IL31RA: variants seen among roughly 807,000 people sequenced by gnomAD.
IL31RA encodes interleukin 31 receptor A, also known as interleukin-31 receptor subunit alpha.
In IL31RA, 66 loss-of-function variants were observed where a neutral mutation model predicts 83.7. The ratio of observed to expected loss-of-function variants is 0.79; its 90% CI spans 0.65 to 0.97. The LOEUF is 0.97. Ranked by LOEUF, IL31RA falls within the 50% of genes least tolerant of loss-of-function variation. The probability of loss-of-function intolerance (pLI) is 0.00; values close to 1 mark genes in which losing one functional copy is unlikely to be tolerated. For synonymous variants in IL31RA, 325 were observed against 329.0 expected (o/e 0.99, Z 0.13); for missense variants, 798 against 919.4 (o/e 0.87, Z 1.71).
At chr5:55,847,263 A>G (rs1456566683), upstream of IL31RA, among the ~76,000 whole-genome samples, 2 of 146,576 alleles carry the variant, frequency 1.4e-5, no homozygotes, top group Non-Finnish European at 3.0e-5. Flanking sequence ...AAATAAATAA[A>G]TAAATAAATA....
intron 1 of IL31RA, among the ~76,000 whole-genome samples, chr5:55,856,654 T>C (rs1230469020): frequency 1.3e-5 from 2 of 152,334 alleles, no homozygotes; most frequent in East Asian, 3.9e-4. Flanking sequence ...CATCAGAGAA[T>C]CAGAGCAATC....
chr5:55,916,646 T>TAA lies in IL31RA; in HGVS notation c.1822_1823dup (p.Leu609SerfsTer2), dbSNP rs776049880. On this transcript the variant is annotated frameshift_variant, in exon 15 of 15. Transcript: ENST00000652347. LOFTEE classifies it low-confidence loss of function (END_TRUNC). ...GGATGTCCCTTTTTCTTTTCCAGGA[T>TAA]AAGCTAAACCTGAAGGAGTCTGATG... is the stretch of plus-strand genomic sequence containing the variant. 1 of 1,613,850 alleles carries TAA rather than the reference T, an allele frequency of 6.2e-7. No homozygotes were observed. The highest frequency in any genetic ancestry group is 1.7e-5 in the Admixed American group (1 of 60,018).
At chr5:55,886,268 C>CTTTTCT (rs1747603052) in intron 5 of IL31RA, among the ~76,000 whole-genome samples, 1 of 71,510 alleles carries the variant, frequency 1.4e-5, no homozygotes, top group African/African-American at 7.3e-5. Flanking sequence ...TGCTTGCTTG[C>CTTTTCT]TTTTTTTTTT....
chr5:55,872,391 G>A lies in IL31RA; in HGVS notation c.394G>A (p.Ala132Thr). ...IPDNYTIEVE[A>T]ENGDGVIKSH... ...AGATAATTATACCATTGAGGTGGAA[G>A]CTGAAAATGGAGATGGTGTAATTAA... is the stretch of plus-strand genomic sequence containing the variant. The change falls in exon 4 of 15, where the codon GCT (alanine) becomes ACT (threonine). Residue 132 changes from alanine (A) to threonine (T), a missense_variant. Physicochemically the swap from Ala to Thr is moderately conservative, Grantham distance 58 (BLOSUM62 0). Coordinates refer to ENST00000652347, the MANE Select transcript of IL31RA (RefSeq NM_139017.7). 1 of 1,612,012 alleles carries A rather than the reference G, an allele frequency of 6.2e-7. No homozygotes were observed. The highest frequency in any genetic ancestry group is 8.5e-7 in the Non-Finnish European group (1 of 1,178,198).
chr5:55,843,203 C>A, the IL31RA span, among the ~76,000 whole-genome samples: 1 of 152,258 alleles, frequency 6.6e-6, no homozygotes, highest in African/African-American at 2.4e-5. Context: ...GCATTTCTTT[C>A]TTTTGCAATC....
Position 55,920,945 on chromosome 5 carries a change from G to A in IL31RA, c.*3825G>A, listed in dbSNP as rs1750061892. On this transcript the variant is annotated 3_prime_UTR_variant, in exon 15 of 15. Coordinates refer to ENST00000652347, the MANE Select transcript of IL31RA (RefSeq NM_139017.7). ...GGAGATATTTTTGATTGTCACGACT[G>A]GGAAGGTGCTACTGGCATCTAGTGG... 6.6e-6 allele frequency among the ~76,000 whole-genome samples: 1 copy of A among 152,134 alleles called. No individual in the cohort carries two copies. The highest frequency in any genetic ancestry group is 1.5e-5 in the Non-Finnish European group (1 of 68,042).
At chr5:55,892,736 A>G (rs1027181154) in intron 6 of IL31RA, among the ~76,000 whole-genome samples, 1 of 152,138 alleles carries the variant, frequency 6.6e-6, no homozygotes, top group African/African-American at 2.4e-5. Flanking sequence ...CAGAGTCTCA[A>G]GCTTATCACA....
chr5:55,906,192 A>G lies in IL31RA; in HGVS notation c.1156A>G (p.Thr386Ala), dbSNP rs771928755. The change falls in exon 9 of 15, where the codon ACT (threonine) becomes GCT (alanine). Residue 386 changes from threonine to alanine, a missense_variant. By Grantham distance (58) the Thr-to-Ala change is moderately conservative. Coordinates refer to ENST00000652347, the MANE Select transcript of IL31RA (RefSeq NM_139017.7). ...KWQSSALDVNTWMIEWFPDVD... is the reference protein window; with the variant it reads ...KWQSSALDVNAWMIEWFPDVD... Reference sequence around the variant, plus strand: ...GCAAAGCTCTGCTCTAGACGTGAACACTTGGATGATTGAATGGTTTCCGGA... The same window carrying G: ...GCAAAGCTCTGCTCTAGACGTGAACGCTTGGATGATTGAATGGTTTCCGGA... 33 of 1,614,008 alleles carry G rather than the reference A, an allele frequency of 2.0e-5. No individual in the cohort carries two copies. Among genetic ancestry groups the G allele is most frequent in the Non-Finnish European group, 2.7e-5 (32 of 1,180,032 alleles).
At chr5:55,848,274 G>A (rs551240362), upstream of IL31RA, among the ~76,000 whole-genome samples, 2 of 152,168 alleles carry the variant, frequency 1.3e-5, no homozygotes, top group Admixed American at 6.5e-5. Context: ...AGGAAAATTA[G>A]TCTCTTCTTC....
chr5:55,909,622 G>A (rs1024142141), intron 11 of IL31RA, among the ~76,000 whole-genome samples: 4 of 151,788 alleles, frequency 2.6e-5, no homozygotes, highest in Non-Finnish European at 5.9e-5. Flanking sequence ...TGGTAGGTAT[G>A]TAGTGGTTAT....
chr5:55,921,149 CCT>C lies in IL31RA; in HGVS notation c.*4032_*4033del, dbSNP rs1750071227. Among the ~76,000 whole-genome samples, 3 of 152,122 alleles carry C rather than the reference CCT, an allele frequency of 2.0e-5. No homozygotes were observed. Among genetic ancestry groups the C allele is most frequent in the Admixed American group, 2.0e-4 (3 of 15,276 alleles). On this transcript the variant is annotated 3_prime_UTR_variant, in exon 15 of 15. Coordinates refer to ENST00000652347, the MANE Select transcript of IL31RA (RefSeq NM_139017.7). ...GGGTGAGACTCCCCTCTAGGTGTCCCCTCTTTTTTCTAATTTAAAATTTGTTT... is the reference window on the plus strand; with the variant it reads ...GGGTGAGACTCCCCTCTAGGTGTCCCCTTTTTTCTAATTTAAAATTTGTTT...
intron 1 of IL31RA, chr5:55,853,542 T>C (rs1745181565): frequency 6.4e-7 from 1 of 1,551,048 alleles, no homozygotes; most frequent in South Asian, 1.2e-5. Flanking sequence ...GCAGAACATC[T>C]GTGGAACATC....
chr5:55,866,385 G>C (rs1746046071), intron 2 of IL31RA, among the ~76,000 whole-genome samples: 2 of 152,000 alleles, frequency 1.3e-5, no homozygotes, highest in Non-Finnish European at 2.9e-5. Context: ...GGGAGTTGGG[G>C]GATGGTTTCA....
chr5:55,896,353 C>T lies in IL31RA; in HGVS notation c.776C>T (p.Pro259Leu), dbSNP rs756298847. The stretch of plus-strand genomic sequence containing the variant: ...ACCTCATTCTTGTTCCTTACAGCTC[C>T]ATGTGGCCTGGAACTGTGGAGAGTC... Reference protein sequence around the residue: ...EKMGMTEEEAPCGLELWRVLK... With the variant: ...EKMGMTEEEALCGLELWRVLK... Residue 259 changes from proline (P) to leucine (L), a missense_variant, in exon 7 of 15, where the codon CCA (proline) becomes CTA (leucine). Transcript: ENST00000652347. 8.1e-6 allele frequency: 13 copies of T among 1,611,130 alleles called. No homozygotes were observed. The highest frequency in any genetic ancestry group is 2.2e-5 in the East Asian group (1 of 44,872).
chr5:55,867,197 G>GCATGTGTGC (rs1554085248), intron 2 of IL31RA, among the ~76,000 whole-genome samples: 3 of 18,508 alleles, frequency 1.6e-4, no homozygotes, highest in Non-Finnish European at 4.5e-4. Flanking sequence ...GTTTGTGTGT[G>GCATGTGTGC]TTTGTGTGTG....
chr5:55,913,937 G>A (rs148913445), intron 13 of IL31RA, among the ~76,000 whole-genome samples: 12 of 152,148 alleles, frequency 7.9e-5, no homozygotes, highest in Non-Finnish European at 1.3e-4. Flanking sequence ...GCCTTCTTGC[G>A]AGCTCTGTCT....
chr5:55,878,702 G>A (rs1747008969), intron 4 of IL31RA, among the ~76,000 whole-genome samples: 1 of 152,054 alleles, frequency 6.6e-6, no homozygotes, highest in South Asian at 2.1e-4. Flanking sequence ...TGCCCAGGCT[G>A]GAGTTCAGTG....
rs1745063213 is a variant in IL31RA, at chr5:55,851,462, A to G, written c.-109A>G. 3.7e-6 allele frequency: 6 copies of G among 1,606,084 alleles called. No homozygotes were observed. In the East Asian group the frequency reaches 1.3e-4, roughly 36 times the overall value. On this transcript the variant is annotated 5_prime_UTR_variant, in exon 1 of 15. Coordinates refer to ENST00000652347, the MANE Select transcript of IL31RA (RefSeq NM_139017.7). The stretch of plus-strand genomic sequence containing the variant: ...TAAAAGGCAAAAAATTGCAAAAAAA[A>G]ATAGTAATAACCAGCATGGCACTAA...
intron 1 of IL31RA, among the ~76,000 whole-genome samples, chr5:55,857,954 A>G (rs999038285): frequency 4.6e-5 from 7 of 152,124 alleles, no homozygotes; most frequent in African/African-American, 1.7e-4. Flanking sequence ...GGCAGTCTCA[A>G]TTTCTAGAAT....
Sources: allele counts gnomAD v4.1 joint callset (sites outside exome capture counted in the v4.1 genomes callset), GRCh38; gene constraint gnomAD v4.1.1; transcripts MANE v1.5; gene names NCBI Gene and HGNC (gene_info 2026-07-23, HGNC 2026-07-21).